Variants in GJA4 observed in about 807,000 individuals in gnomAD.
The protein encoded by GJA4 is gap junction protein alpha 4.
A neutral mutation model predicts 25.1 loss-of-function variants in GJA4; 13 were observed. The observed-to-expected ratio is 0.52, with a 90% CI of 0.34 to 0.82. The LOEUF (loss-of-function observed/expected upper bound fraction) is 0.82, where lower values mean the gene tolerates loss of function less well. GJA4 is among the 40% of genes least tolerant of loss of function. GJA4 has a pLI of 0.02. For missense variants in GJA4, 357 were observed against 443.5 expected (o/e 0.80, Z 1.75); for synonymous variants, 167 against 193.9 (o/e 0.86, Z 1.15).
chr1:34,794,695 G>A lies in GJA4; in HGVS notation c.482G>A (p.Cys161Tyr). 1.9e-6 allele frequency: 3 copies of A among 1,612,458 alleles called. No individual in the cohort carries two copies. The highest frequency in any genetic ancestry group is 1.7e-6 in the Non-Finnish European group (2 of 1,180,030). The change falls in exon 2 of 2, where the codon TGC becomes TAC. Residue 161 changes from cysteine to tyrosine, a missense_variant. Physicochemically the swap from Cys to Tyr is radical, Grantham distance 194. This residue lies in a region of GJA4 where 278 missense variants were observed against 298.1 expected (regional missense o/e 0.93). Coordinates refer to ENST00000342280, the MANE Select transcript of GJA4 (RefSeq NM_002060.3). This position sits in a 1 kb window ranked among gnomAD's most constrained non-coding sequence, Gnocchi z 7.8. ...GGCACCTATGTCGCCAGTGTGCTCT[G>A]CAAGAGTGTGCTAGAGGCAGGCTTC... is the stretch of plus-strand genomic sequence containing the variant. The part of the protein sequence containing the change: ...LMGTYVASVL[C>Y]KSVLEAGFLY...
In GJA4 at chr1:34,794,282, G is replaced by C; in HGVS notation, c.69G>C (p.Lys23Asn). Reference sequence around the variant, plus strand: ...AGGAGCACTCGACCGTGGTGGGTAAGATCTGGCTGACGGTGCTCTTCATCT... The same window carrying C: ...AGGAGCACTCGACCGTGGTGGGTAACATCTGGCTGACGGTGCTCTTCATCT... ...QVQEHSTVVGKIWLTVLFIFR... is the reference protein window; with the variant it reads ...QVQEHSTVVGNIWLTVLFIFR... The change falls in exon 2 of 2, where the codon AAG (lysine) becomes AAC (asparagine). Residue 23 changes from lysine to asparagine, a missense_variant. By Grantham distance (94) the Lys-to-Asn change is moderately conservative. Coordinates refer to ENST00000342280, the MANE Select transcript of GJA4 (RefSeq NM_002060.3). The surrounding 1 kb of genome is among the most constrained non-coding windows in gnomAD (Gnocchi z 7.8). The C allele has an allele frequency of 6.2e-7, 1 of 1,614,224 alleles. No homozygotes were observed. The highest frequency in any genetic ancestry group is 8.5e-7 in the Non-Finnish European group (1 of 1,180,052).
intron 1 of GJA4, among the ~76,000 whole-genome samples, chr1:34,793,351 G>T (rs1034775440): frequency 2.6e-5 from 4 of 152,244 alleles, no homozygotes; most frequent in African/African-American, 9.6e-5. Context: ...TAAAAGGCAA[G>T]ATTTGAACCC....
chr1:34,794,518 G>A lies in GJA4; in HGVS notation c.305G>A (p.Arg102Gln), dbSNP rs1214797728. The A allele has an allele frequency of 3.1e-6, 5 of 1,613,506 alleles. No homozygotes were observed. The highest frequency in any genetic ancestry group is 3.3e-5 in the Admixed American group (2 of 60,012). Residue 102 changes from arginine to glutamine, a missense_variant, in exon 2 of 2, where the codon CGA (arginine) becomes CAA (glutamine). This residue lies in a region of GJA4 where 79 missense variants were observed against 145.4 expected (regional missense o/e 0.54). Transcript: ENST00000342280. The surrounding 1 kb of genome is among the most constrained non-coding windows in gnomAD (Gnocchi z 7.8). ...GGCCATGTCATTTACCTGTCTCGGC[G>A]AGAAGAGCGGCTGCGGCAGAAGGAG... is the stretch of plus-strand genomic sequence containing the variant. ...YLGHVIYLSR[R>Q]EERLRQKEGE...
rs575777816 is a variant in GJA4, at chr1:34,795,320, G to A, written c.*105G>A. 3 of 734,254 alleles carry A rather than the reference G, an allele frequency of 4.1e-6. No homozygotes were observed. The highest frequency in any genetic ancestry group is 2.5e-5 in the East Asian group (1 of 39,436). The allele number at this position is 734,254 out of a possible 1,614,324, so 45.5% of individuals were successfully genotyped here. On this transcript the variant is annotated 3_prime_UTR_variant, in exon 2 of 2. Transcript: ENST00000342280. ...GGCTCTGCAGAGATGACTGGGCTGG[G>A]GAAGCAGGTGCTTGCTGGCCATGGA...
chr1:34,794,903 C>A lies in GJA4; in HGVS notation c.690C>A (p.His230Gln), dbSNP rs750547540. Residue 230 changes from histidine to glutamine, a missense_variant, in exon 2 of 2, where the codon CAC becomes CAA. By Grantham distance (24) the His-to-Gln change is conservative. This residue lies in a region of GJA4 where 278 missense variants were observed against 298.1 expected (regional missense o/e 0.93). Coordinates refer to ENST00000342280, the MANE Select transcript of GJA4 (RefSeq NM_002060.3). The surrounding 1 kb of genome is among the most constrained non-coding windows in gnomAD (Gnocchi z 7.8). Reference protein sequence around the residue: ...SLVLNLLELVHLLCRCLSRGM... With the variant: ...SLVLNLLELVQLLCRCLSRGM... ...TGCTTAACCTGCTGGAGTTGGTGCA[C>A]CTGCTGTGTCGCTGCCTCAGCCGGG... is the stretch of plus-strand genomic sequence containing the variant. 1 of 1,614,172 alleles carries A rather than the reference C, an allele frequency of 6.2e-7. No individual in the cohort carries two copies. The highest frequency in any genetic ancestry group is 1.1e-5 in the South Asian group (1 of 91,078).
rs755657741 is a variant in GJA4, at chr1:34,794,207, G to A, written c.-7G>A. The A allele has an allele frequency of 4.7e-5, 76 of 1,612,408 alleles. No individual in the cohort carries two copies. The highest frequency in any genetic ancestry group is 6.0e-5 in the Non-Finnish European group (71 of 1,179,022). Reference sequence around the variant, plus strand: ...TCTGTCTCCTTGCAGACGGAGGCCCGGGAGCCATGGGTGACTGGGGCTTCC... The same window carrying A: ...TCTGTCTCCTTGCAGACGGAGGCCCAGGAGCCATGGGTGACTGGGGCTTCC... On this transcript the variant is annotated 5_prime_UTR_variant, in exon 2 of 2. Transcript: ENST00000342280. The surrounding 1 kb of genome is among the most constrained non-coding windows in gnomAD (Gnocchi z 7.8).
chr1:34,794,170 A>T lies in GJA4; in HGVS notation c.-17-27A>T. ...CGAACGAGAAGGATGCCATGCTGAC[A>T]CACTGACGTGCTCTGTCTCCTTGCA... On this transcript the variant is annotated intron_variant, in intron 1 of 1. Coordinates refer to ENST00000342280, the MANE Select transcript of GJA4 (RefSeq NM_002060.3). The surrounding 1 kb of genome is among the most constrained non-coding windows in gnomAD (Gnocchi z 7.8). 1 of 1,577,260 alleles carries T rather than the reference A, an allele frequency of 6.3e-7. No individual in the cohort carries two copies.
chr1:34,794,778 C>T lies in GJA4; in HGVS notation c.565C>T (p.Arg189Ter), dbSNP rs750494417. ...WTMEPVFVCQRAPCPYLVDCF... is the reference protein window; with the variant it reads ...WTMEPVFVCQ ...CATGGAGCCCGTGTTTGTGTGCCAG[C>T]GAGCACCCTGCCCCTACCTCGTGGA... The change falls in exon 2 of 2, where the codon CGA becomes TGA. Residue 189 changes from arginine (R) to a stop codon, truncating the protein, a stop_gained. Transcript: ENST00000342280. LOFTEE classifies it high-confidence loss of function. This position sits in a 1 kb window ranked among gnomAD's most constrained non-coding sequence, Gnocchi z 7.8. 8.7e-6 allele frequency: 14 copies of T among 1,613,892 alleles called. No homozygotes were observed. Among genetic ancestry groups the T allele is most frequent in the Admixed American group, 5.0e-5 (3 of 60,006 alleles).
rs767030214 is a variant in GJA4, at chr1:34,794,315, C to T, written c.102C>T (p.Ile34=). The T allele has an allele frequency of 1.2e-6, 2 of 1,614,196 alleles. No individual in the cohort carries two copies. Among genetic ancestry groups the T allele is most frequent in the Non-Finnish European group, 1.7e-6 (2 of 1,180,030 alleles). The change falls in exon 2 of 2, where the codon ATC becomes ATT. Residue 34 remains isoleucine, a synonymous_variant. Coordinates refer to ENST00000342280, the MANE Select transcript of GJA4 (RefSeq NM_002060.3). This position sits in a 1 kb window ranked among gnomAD's most constrained non-coding sequence, Gnocchi z 7.8. ...TGACGGTGCTCTTCATCTTCCGCAT[C>T]CTCATCCTGGGCCTGGCCGGCGAGT... ...IWLTVLFIFR[I]LILGLAGESV...
Position 34,794,105 on chromosome 1 carries a change from G to A in GJA4, c.-17-92G>A, listed in dbSNP as rs890579789. ...CTGAGCCTGGGTTTCTTTGTAGGTA[G>A]AACGGGCGTGGCAGACCTCCCTGCA... On this transcript the variant is annotated intron_variant, in intron 1 of 1. Transcript: ENST00000342280. This position sits in a 1 kb window ranked among gnomAD's most constrained non-coding sequence, Gnocchi z 7.8. The A allele has an allele frequency of 8.1e-6, 8 of 987,942 alleles. No homozygotes were observed. Among genetic ancestry groups the A allele is most frequent in the Non-Finnish European group, 1.0e-5 (7 of 668,232 alleles). 61.2% of individuals were successfully genotyped at this position (987,942 alleles called of 1,614,324 possible).
rs1485960334 is a variant in GJA4, at chr1:34,795,257, G to A, written c.*42G>A. The stretch of plus-strand genomic sequence containing the variant: ...TCACCCAACAGAGGGGTCCTGAGAA[G>A]TCTGGCTGCCTGGGATGCCCCCTGC... On this transcript the variant is annotated 3_prime_UTR_variant, in exon 2 of 2. Coordinates refer to ENST00000342280, the MANE Select transcript of GJA4 (RefSeq NM_002060.3). 1.8e-5 allele frequency: 25 copies of A among 1,423,508 alleles called. No homozygotes were observed. The highest frequency in any genetic ancestry group is 2.3e-5 in the Non-Finnish European group (24 of 1,039,274). 88.2% of individuals were successfully genotyped at this position (1,423,508 alleles called of 1,614,324 possible).
Position 34,794,986 on chromosome 1 carries a change from C to A in GJA4, c.773C>A (p.Pro258His). 6.2e-7 allele frequency: 1 copy of A among 1,614,074 alleles called. No individual in the cohort carries two copies. The highest frequency in any genetic ancestry group is 1.7e-5 in the Admixed American group (1 of 60,008). The change falls in exon 2 of 2, where the codon CCT becomes CAT. Residue 258 changes from proline to histidine, a missense_variant. Physicochemically the swap from Pro to His is moderately conservative, Grantham distance 77. Transcript: ENST00000342280. The surrounding 1 kb of genome is among the most constrained non-coding windows in gnomAD (Gnocchi z 7.8). ...APPTQGTSSD[P>H]YTDQVFFYLP... ...CCGACCCAGGGCACCTCCTCAGACC[C>A]TTACACGGACCAGGTCTTCTTCTAC...
rs1372889753 is a variant in GJA4, at chr1:34,794,099, T to C, written c.-17-98T>C. The C allele has an allele frequency of 3.2e-6, 3 of 929,484 alleles. No homozygotes were observed. Among genetic ancestry groups the C allele is most frequent in the Admixed American group, 4.9e-5 (2 of 41,046 alleles). The allele number at this position is 929,484 out of a possible 1,614,324, so 57.6% of individuals were successfully genotyped here. A position where few individuals can be genotyped will look rare whatever the true frequency, so the allele number is the denominator to read the frequency against. ...CCCTTCCTGAGCCTGGGTTTCTTTG[T>C]AGGTAGAACGGGCGTGGCAGACCTC... is the stretch of plus-strand genomic sequence containing the variant. On this transcript the variant is annotated intron_variant, in intron 1 of 1. Transcript: ENST00000342280. The surrounding 1 kb of genome is among the most constrained non-coding windows in gnomAD (Gnocchi z 7.8).
In GJA4 at chr1:34,794,792, C is replaced by T; in HGVS notation, c.579C>T (p.Pro193=). The T allele has an allele frequency of 6.2e-7, 1 of 1,614,166 alleles. No individual in the cohort carries two copies. Among genetic ancestry groups the T allele is most frequent in the Non-Finnish European group, 8.5e-7 (1 of 1,180,034 alleles). The part of the protein sequence containing the change: ...PVFVCQRAPC[P]YLVDCFVSRP... ...TTGTGTGCCAGCGAGCACCCTGCCC[C>T]TACCTCGTGGACTGCTTTGTCTCTC... Residue 193 remains proline (P), a synonymous_variant, in exon 2 of 2, where the codon CCC becomes CCT. Coordinates refer to ENST00000342280, the MANE Select transcript of GJA4 (RefSeq NM_002060.3). The surrounding 1 kb of genome is among the most constrained non-coding windows in gnomAD (Gnocchi z 7.8).
Position 34,793,056 on chromosome 1 carries a change from CGGCA to C in GJA4, c.-22_-19del. Reference sequence around the variant, plus strand: ...CGTCCCCACCTCCACCTGGGCCGCCCGGCAGGCAGGCGGTGAGTCGGGGGCTAGG... The same window carrying C: ...CGTCCCCACCTCCACCTGGGCCGCCCGGCAGGCGGTGAGTCGGGGGCTAGG... On this transcript the variant is annotated 5_prime_UTR_variant, in exon 1 of 2. Transcript: ENST00000342280. The C allele has an allele frequency of 3.0e-6, 1 of 336,934 alleles. No homozygotes were observed. The highest frequency in any genetic ancestry group is 2.3e-5 in the South Asian group (1 of 43,544). 20.9% of individuals were successfully genotyped at this position (336,934 alleles called of 1,614,324 possible).
rs771173925 is a variant in GJA4 at position 34,794,507 on chromosome 1, C to T, written c.294C>T (p.Tyr98=). The T allele has an allele frequency of 5.0e-6, 8 of 1,613,920 alleles. No individual in the cohort carries two copies. Among genetic ancestry groups the T allele is most frequent in the Middle Eastern group, 1.6e-4 (1 of 6,084 alleles). ...PTLVYLGHVI[Y]LSRREERLRQ... is the part of the protein sequence containing the mutation. Reference sequence around the variant, plus strand: ...TGGTCTACCTGGGCCATGTCATTTACCTGTCTCGGCGAGAAGAGCGGCTGC... The same window carrying T: ...TGGTCTACCTGGGCCATGTCATTTATCTGTCTCGGCGAGAAGAGCGGCTGC... Residue 98 remains tyrosine, a synonymous_variant, in exon 2 of 2, where the codon TAC becomes TAT. Coordinates refer to ENST00000342280, the MANE Select transcript of GJA4 (RefSeq NM_002060.3). This position sits in a 1 kb window ranked among gnomAD's most constrained non-coding sequence, Gnocchi z 7.8.
chr1:34,793,282 T>C (rs1021806035), intron 1 of GJA4, among the ~76,000 whole-genome samples: 1 of 152,224 alleles, frequency 6.6e-6, no homozygotes, highest in Non-Finnish European at 1.5e-5. Context: ...GTTTCCACTC[T>C]ATCGTGGAGG....
chr1:34,793,152 C>A (rs1232313348), intron 1 of GJA4, 84 bp downstream of exon 1: 10 of 247,342 alleles, frequency 4.0e-5, no homozygotes, highest in African/African-American at 1.9e-4. Flanking sequence ...GATGCCGGGA[C>A]GGGGGTTGCT....
At position 34,794,814 on chromosome 1, in the gene GJA4, T is replaced by C; in HGVS notation, c.601T>C (p.Ser201Pro). 1 of 1,614,060 alleles carries C rather than the reference T, an allele frequency of 6.2e-7. No individual in the cohort carries two copies. Among genetic ancestry groups the C allele is most frequent in the Non-Finnish European group, 8.5e-7 (1 of 1,180,004 alleles). Residue 201 changes from serine (S) to proline (P), a missense_variant, in exon 2 of 2, where the codon TCT (serine) becomes CCT (proline). Around this residue, in one of 2 missense-constraint regions of GJA4, gnomAD observed 278 missense variants for 298.1 expected, o/e 0.93. Coordinates refer to ENST00000342280, the MANE Select transcript of GJA4 (RefSeq NM_002060.3). The surrounding 1 kb of genome is among the most constrained non-coding windows in gnomAD (Gnocchi z 7.8). ...CCCCTACCTCGTGGACTGCTTTGTC[T>C]CTCGCCCCACGGAGAAGACCATCTT... Reference protein sequence around the residue: ...PCPYLVDCFVSRPTEKTIFII... With the variant: ...PCPYLVDCFVPRPTEKTIFII...
Sources: allele counts gnomAD v4.1 joint callset (sites outside exome capture counted in the v4.1 genomes callset), GRCh38; gene constraint gnomAD v4.1.1; regional missense constraint gnomAD v4.1.1; non-coding constraint Gnocchi (gnomAD v3.1); transcripts MANE v1.5; gene names NCBI Gene and HGNC (gene_info 2026-07-23, HGNC 2026-07-21).